The following ANKRD20A1 variants were observed in gnomAD, a reference collection of about 807,000 sequenced individuals.
The protein encoded by ANKRD20A1 is ankyrin repeat domain 20 family member A1.
ANKRD20A1 carries 2 observed loss-of-function variants against 50.9 expected under a neutral mutation model. The observed-to-expected ratio is 0.04, with a 90% CI of 0.02 to 0.12. ANKRD20A1 has a LOEUF of 0.12. Among genes scored for constraint, ANKRD20A1 ranks in the 10% least tolerant of loss-of-function variants. ANKRD20A1 has a pLI of 1.00. For missense variants in ANKRD20A1, 31 were observed against 548.1 expected (o/e 0.06, Z 9.42); for synonymous variants, 10 against 186.2 (o/e 0.05, Z 7.70).
At chr9:67,868,683 G>C (rs1827613864) in intron 5 of ANKRD20A1, 117 bp downstream of exon 5, 1 of 774,190 alleles carries the variant, frequency 1.3e-6, no homozygotes, top group Non-Finnish European at 1.7e-6. Context: ...GTTGGAAATA[G>C]CGAAGAGTTA....
Position 67,858,983 on chromosome 9 carries a change from C to T in ANKRD20A1, c.-444C>T, listed in dbSNP as rs1587593056. Among the ~76,000 whole-genome samples the T allele has an allele frequency of 7.0e-5, 2 of 28,464 alleles. 1 individual carries two copies. The highest frequency in any genetic ancestry group is 5.5e-4 in the Admixed American group (2 of 3,618). 18.7% of individuals were successfully genotyped at this position (28,464 alleles called of 152,430 possible). The stretch of plus-strand genomic sequence containing the variant: ...GCCTGCGATCCTGGGGCCGCCCGGG[C>T]GATCCCAGGAGAACCGGCGAGCCCA... On this transcript the variant is annotated 5_prime_UTR_variant, in exon 1 of 15. Coordinates refer to ENST00000562196, the MANE Select transcript of ANKRD20A1 (RefSeq NM_032250.5).
At chr9:67,872,268 C>T (rs1317874610) in intron 6 of ANKRD20A1, among the ~76,000 whole-genome samples, 1 of 123,898 alleles carries the variant, frequency 8.1e-6, no homozygotes, top group Non-Finnish European at 1.8e-5. Flanking sequence ...AAAGCAATTC[C>T]TTTGTGAGAA....
rs1334522266 is a variant in ANKRD20A1, at chr9:67,882,379, T to A, written c.894+1834T>A. ...CCTAATGTAGCTAATAATTAAATAT[T>A]GTATTTAAAATATTGCTTACATTGT... On this transcript the variant is annotated intron_variant, in intron 8 of 14. Coordinates refer to ENST00000562196, the MANE Select transcript of ANKRD20A1 (RefSeq NM_032250.5). Among the ~76,000 whole-genome samples the A allele has an allele frequency of 2.8e-3, 412 of 146,698 alleles. 1 individual carries two copies. The highest frequency in any genetic ancestry group is 9.7e-3 in the African/African-American group (392 of 40,238).
At chr9:67,866,000 G>C (rs1827562609) in intron 3 of ANKRD20A1, among the ~76,000 whole-genome samples, 2 of 150,764 alleles carry the variant, frequency 1.3e-5, no homozygotes, top group South Asian at 4.2e-4. Context: ...AGAATGCCTA[G>C]AAGCCTTTTT....
intron 3 of ANKRD20A1, among the ~76,000 whole-genome samples, chr9:67,865,555 G>T (rs1364072670): frequency 6.7e-6 from 1 of 148,756 alleles, no homozygotes; most frequent in African/African-American, 2.5e-5. Flanking sequence ...TTCTAATGTG[G>T]TACACAGATT....
chr9:67,888,959 T>A (rs1313242733), intron 11 of ANKRD20A1, among the ~76,000 whole-genome samples: 2 of 147,022 alleles, frequency 1.4e-5, no homozygotes, highest in African/African-American at 4.9e-5. Flanking sequence ...AACAATTAGG[T>A]GTTTTGTTTG....
chr9:67,866,274 AGG>A (rs1287724814), intron 3 of ANKRD20A1, among the ~76,000 whole-genome samples: 1 of 150,960 alleles, frequency 6.6e-6, no homozygotes, highest in Non-Finnish European at 1.5e-5. Context: ...GAGCTGCACT[AGG>A]GTCCCGGGAT....
intron 8 of ANKRD20A1, among the ~76,000 whole-genome samples, chr9:67,881,601 TA>T (rs749147460): frequency 3.3e-5 from 5 of 152,092 alleles, no homozygotes; most frequent in Middle Eastern, 3.4e-3. Flanking sequence ...ACCCTGTCTC[TA>T]AAAAAAACCA....
intron 9 of ANKRD20A1, 131 bp downstream of exon 9, chr9:67,884,701 T>A (rs1827849105): frequency 1.7e-6 from 1 of 577,706 alleles, no homozygotes; most frequent in Non-Finnish European, 3.0e-6. Flanking sequence ...CCATCCTGGA[T>A]AACATGGTGA....
intron 11 of ANKRD20A1, among the ~76,000 whole-genome samples, chr9:67,891,148 G>A (rs1000960790): frequency 1.2e-5 from 1 of 85,482 alleles, no homozygotes; most frequent in Admixed American, 1.6e-4. Context: ...CACAAAATTA[G>A]CTGGGCATGG....
chr9:67,882,217 G>T (rs1452109786), intron 8 of ANKRD20A1, among the ~76,000 whole-genome samples: 4 of 150,992 alleles, frequency 2.6e-5, no homozygotes, highest in Non-Finnish European at 5.9e-5. Flanking sequence ...TAACTGTTGG[G>T]CTCAAGTGTT....
In ANKRD20A1 at chr9:67,860,597, AAG is replaced by A. The variant is rs1359189737; in HGVS notation, c.203+971_203+972del. Reference sequence around the variant, plus strand: ...TTTCTGGTATAAGAATTTAAACTAAAAGAGGAATGAAACAGTTTTCTATCCAC... The same window carrying A: ...TTTCTGGTATAAGAATTTAAACTAAAAGGAATGAAACAGTTTTCTATCCAC... On this transcript the variant is annotated intron_variant, in intron 1 of 14. Coordinates refer to ENST00000562196, the MANE Select transcript of ANKRD20A1 (RefSeq NM_032250.5). 2 of 33,342 alleles carry A rather than the reference AAG, an allele frequency of 6.0e-5. 1 individual carries two copies. Among genetic ancestry groups the A allele is most frequent in the Non-Finnish European group, 1.1e-4 (2 of 17,806 alleles). 2.1% of individuals were successfully genotyped at this position (33,342 alleles called of 1,614,324 possible). A position where few individuals can be genotyped will look rare whatever the true frequency, so the allele number is the denominator to read the frequency against.
chr9:67,881,084 A>G (rs1192396255), intron 8 of ANKRD20A1, among the ~76,000 whole-genome samples: 2 of 150,414 alleles, frequency 1.3e-5, no homozygotes, highest in African/African-American at 4.8e-5. Context: ...TTCTACTTAT[A>G]TTATTGGTTC....
intron 9 of ANKRD20A1, among the ~76,000 whole-genome samples, chr9:67,884,911 G>A (rs1298648297): frequency 6.8e-6 from 1 of 147,662 alleles, no homozygotes; most frequent in East Asian, 2.1e-4. Flanking sequence ...AACAAAAAAA[G>A]TCATTTGATG....
chr9:67,875,757 T>C (rs1422581568), intron 6 of ANKRD20A1, among the ~76,000 whole-genome samples: 1 of 60,440 alleles, frequency 1.7e-5, no homozygotes, highest in African/African-American at 5.1e-5. Context: ...ATAGTTTTAC[T>C]TTTTTCAGAA....
chr9:67,894,656 GTAT>G (rs1171403354), intron 12 of ANKRD20A1, among the ~76,000 whole-genome samples: 1 of 89,156 alleles, frequency 1.1e-5, no homozygotes, highest in African/African-American at 3.4e-5. Flanking sequence ...TTATTTTCTA[GTAT>G]TGTTGTTTAT....
chr9:67,885,587 T>G (rs1244286918), intron 9 of ANKRD20A1, among the ~76,000 whole-genome samples: 1 of 152,310 alleles, frequency 6.6e-6, no homozygotes, highest in African/African-American at 2.4e-5. Flanking sequence ...TATTGCCTGA[T>G]TAAAAGTTCA....
At chr9:67,884,745 C>T (rs1827849756) in intron 9 of ANKRD20A1, among the ~76,000 whole-genome samples, 175 bp downstream of exon 9, 1 of 150,420 alleles carries the variant, frequency 6.6e-6, no homozygotes, top group Non-Finnish European at 1.5e-5. Flanking sequence ...AAAAAACTAG[C>T]CAGGTGTTGT....
intron 8 of ANKRD20A1, among the ~76,000 whole-genome samples, chr9:67,882,670 G>T: frequency 7.8e-6 from 1 of 128,924 alleles, no homozygotes; most frequent in Non-Finnish European, 1.7e-5. Context: ...TAAGTTCTAG[G>T]GTACATGTGC....
Sources: gnomAD v4.1 joint callset for allele counts (sites outside exome capture counted in the v4.1 genomes callset) on GRCh38, gnomAD v4.1.1 for gene constraint, MANE v1.5 for transcripts, NCBI Gene and HGNC (gene_info 2026-07-23, HGNC 2026-07-21) for gene names.